IMMP2L: variants seen among roughly 807,000 people sequenced by gnomAD.
IMMP2L encodes the protein mitochondrial inner membrane protease subunit 2.
A neutral mutation model predicts 19.3 loss-of-function variants in IMMP2L; 18 were observed. The observed-to-expected ratio is 0.93, with a 90% confidence interval of 0.64 to 1.38. The LOEUF (loss-of-function observed/expected upper bound fraction) is 1.38. Ranked by LOEUF, IMMP2L falls within the 40% of genes most tolerant of loss-of-function variation. The pLI, the probability that IMMP2L is intolerant of heterozygous loss-of-function variation, is 0.00. For missense variants in IMMP2L, 233 were observed against 218.2 expected, an observed-to-expected ratio of 1.07 and a Z score of -0.43; for synonymous variants, 76 against 73.0, an observed-to-expected ratio of 1.04 and a Z score of -0.21.
intron 3 of IMMP2L, among the ~76,000 whole-genome samples, chr7:111,017,395 C>T (rs1432555551): frequency 5.9e-5 from 9 of 152,002 alleles, no homozygotes. Context: ...TCATTACTTA[C>T]TTTCCAGTAA....
chr7:111,407,492 A>G (rs1833999422), intron 3 of IMMP2L, among the ~76,000 whole-genome samples: 1 of 152,116 alleles, frequency 6.6e-6, no homozygotes, highest in Non-Finnish European at 1.5e-5. Flanking sequence ...CAAAATACAG[A>G]TACATACTGT....
chr7:111,526,315 ATTGTT>A (rs1270293906), intron 1 of IMMP2L, among the ~76,000 whole-genome samples: 2 of 152,150 alleles, frequency 1.3e-5, no homozygotes, highest in African/African-American at 4.8e-5. Flanking sequence ...GAATATTTAT[ATTGTT>A]TTAATTGTTT....
intron 4 of IMMP2L, among the ~76,000 whole-genome samples, chr7:110,936,018 C>A (rs1816068862): frequency 6.6e-6 from 1 of 152,098 alleles, no homozygotes; most frequent in African/African-American, 2.4e-5. Flanking sequence ...GAAACTGGAC[C>A]CCTTCCTTAC....
intron 2 of IMMP2L, among the ~76,000 whole-genome samples, chr7:111,501,403 G>T (rs556645280): frequency 0.02 from 3,037 of 152,224 alleles, 102 homozygotes; most frequent in African/African-American, 0.069. Context: ...CACTCTGCAG[G>T]ATATTATCCA....
At chr7:111,555,400 A>G (rs571690988) in intron 1 of IMMP2L, among the ~76,000 whole-genome samples, 1 of 152,118 alleles carries the variant, frequency 6.6e-6, no homozygotes, top group Non-Finnish European at 1.5e-5. Flanking sequence ...GGGGTCAGAT[A>G]TGAATTTTGC....
chr7:111,212,782 G>C (rs1811469933), intron 3 of IMMP2L, among the ~76,000 whole-genome samples: 1 of 152,200 alleles, frequency 6.6e-6, no homozygotes, highest in African/African-American at 2.4e-5. Context: ...AATTCTAAAG[G>C]TAAAGGATAA....
At chr7:111,431,993 A>G (rs1836679155) in intron 3 of IMMP2L, among the ~76,000 whole-genome samples, 1 of 151,848 alleles carries the variant, frequency 6.6e-6, no homozygotes, top group African/African-American at 2.4e-5. Context: ...TATTTGGTAA[A>G]CCACTCCAGT....
intron 3 of IMMP2L, among the ~76,000 whole-genome samples, chr7:111,257,901 A>G (rs1330133641): frequency 6.6e-6 from 1 of 151,966 alleles, no homozygotes; most frequent in African/African-American, 2.4e-5. Flanking sequence ...AATTTACATT[A>G]GGTATTTCTC....
chr7:110,865,836 T>C (rs1261924612), intron 5 of IMMP2L, among the ~76,000 whole-genome samples: 1 of 151,708 alleles, frequency 6.6e-6, no homozygotes, highest in Non-Finnish European at 1.5e-5. Flanking sequence ...CCTACCTTTA[T>C]TCTCCAAACT....
intron 5 of IMMP2L, among the ~76,000 whole-genome samples, chr7:110,784,430 C>T (rs1799938502): frequency 1.3e-5 from 2 of 152,022 alleles, no homozygotes; most frequent in South Asian, 4.1e-4. Context: ...TTCCAAATAA[C>T]TCTTGATTCC....
At chr7:110,982,212 C>A (rs1443094145) in intron 3 of IMMP2L, among the ~76,000 whole-genome samples, 1 of 152,064 alleles carries the variant, frequency 6.6e-6, no homozygotes, top group Non-Finnish European at 1.5e-5. Flanking sequence ...AACATAGATA[C>A]CTTTGAGCTG....
chr7:111,510,768 A>G (rs998394032), intron 2 of IMMP2L, among the ~76,000 whole-genome samples: 25 of 152,066 alleles, frequency 1.6e-4, no homozygotes, highest in African/African-American at 6.0e-4. Flanking sequence ...AGAAACCCCA[A>G]AAAGGCTTTG....
intron 3 of IMMP2L, among the ~76,000 whole-genome samples, chr7:111,126,115 G>T (rs1346487746): frequency 6.6e-6 from 1 of 152,006 alleles, no homozygotes; most frequent in East Asian, 1.9e-4. Context: ...GAGCCACCAC[G>T]CCAGGTCTAG....
At chr7:111,052,650 T>C (rs1793105726) in intron 3 of IMMP2L, among the ~76,000 whole-genome samples, 1 of 152,220 alleles carries the variant, frequency 6.6e-6, no homozygotes, top group Non-Finnish European at 1.5e-5. Flanking sequence ...CTTGGGCATA[T>C]GTTCTCAGGA....
At chr7:110,868,822 A>C (rs1452790081) in intron 5 of IMMP2L, among the ~76,000 whole-genome samples, 2 of 152,024 alleles carry the variant, frequency 1.3e-5, no homozygotes, top group Non-Finnish European at 2.9e-5. Flanking sequence ...TTCTTTCTAC[A>C]ATCTAATCAA....
rs537936245 is a variant in IMMP2L at position 111,484,429 on chromosome 7, GGTTT to G, written c.239+2805_239+2808del. Among the ~76,000 whole-genome samples the G allele has an allele frequency of 2.6e-4, 39 of 151,988 alleles. 1 individual carries two copies. The highest frequency in any genetic ancestry group is 8.7e-4 in the African/African-American group (36 of 41,464). Reference sequence around the variant, plus strand: ...TTTTTTAATATAAAAAGGTTATACTGGTTTGTTTTCAAAGATTACTTATTTATCA... The same window carrying G: ...TTTTTTAATATAAAAAGGTTATACTGGTTTTCAAAGATTACTTATTTATCA... On this transcript the variant is annotated intron_variant, in intron 3 of 5. Coordinates refer to ENST00000405709, the MANE Select transcript of IMMP2L (RefSeq NM_032549.4).
chr7:111,378,614 A>C (rs1289052229), intron 3 of IMMP2L, among the ~76,000 whole-genome samples: 1 of 151,980 alleles, frequency 6.6e-6, no homozygotes, highest in Non-Finnish European at 1.5e-5. Context: ...TCCCTTTCTT[A>C]ATCAATATCT....
intron 5 of IMMP2L, among the ~76,000 whole-genome samples, chr7:110,778,315 A>C (rs1799527398): frequency 6.6e-6 from 1 of 152,012 alleles, no homozygotes; most frequent in Non-Finnish European, 1.5e-5. Flanking sequence ...TATAGGAAAT[A>C]GAATATATCA....
Position 111,052,712 on chromosome 7 carries a change from A to T in IMMP2L, c.240-89147T>A, listed in dbSNP as rs114657615. ...AGTCACTCATATTTGGCTCAGAATA[A>T]ACATCTTCAAATGTTTTATAGAGTT... On this transcript the variant is annotated intron_variant, in intron 3 of 5. Coordinates refer to ENST00000405709, the MANE Select transcript of IMMP2L (RefSeq NM_032549.4). Among the ~76,000 whole-genome samples, 1,080 of 152,310 alleles carry T rather than the reference A, an allele frequency of 7.1e-3. 12 individuals carry two copies. Among genetic ancestry groups the T allele is most frequent in the African/African-American group, 0.024 (1,013 of 41,556 alleles).
Sources: allele counts gnomAD v4.1 joint callset (sites outside exome capture counted in the v4.1 genomes callset), GRCh38; gene constraint gnomAD v4.1.1; transcripts MANE v1.5; gene names NCBI Gene and HGNC (gene_info 2026-07-23, HGNC 2026-07-21).